The following WHRN variants were observed in gnomAD, a reference collection of about 807,000 sequenced individuals.
WHRN encodes the protein CASK-interacting protein CIP98.
Under a neutral mutation model 68.3 loss-of-function variants are expected in WHRN, and 41 were observed. The ratio of observed to expected loss-of-function variants is 0.60; its 90% CI spans 0.47 to 0.78. The LOEUF is 0.78. Ranked by LOEUF, WHRN falls within the 30% of genes least tolerant of loss-of-function variation. The pLI is 0.00. For missense variants in WHRN, 1,243 were observed against 1,244.7 expected (o/e 1.00, Z 0.02); for synonymous variants, 560 against 561.3 (o/e 1.00, Z 0.03).
At chr9:114,472,322 T>G (rs913859911) in intron 2 of WHRN, among the ~76,000 whole-genome samples, 5 of 152,222 alleles carry the variant, frequency 3.3e-5, no homozygotes, top group African/African-American at 1.2e-4. Flanking sequence ...CCATGCCTGC[T>G]GCCTCACTCC....
intron 1 of WHRN, among the ~76,000 whole-genome samples, chr9:114,489,022 C>G (rs945781963): frequency 2.0e-5 from 3 of 152,210 alleles, no homozygotes; most frequent in Admixed American, 2.0e-4. Context: ...AGCCTCATCT[C>G]CTGCCCTGCC....
chr9:114,446,072 A>G (rs1444727802), intron 3 of WHRN, among the ~76,000 whole-genome samples: 1 of 152,198 alleles, frequency 6.6e-6, no homozygotes, highest in Non-Finnish European at 1.5e-5. Context: ...CAGAGAAGAG[A>G]ATGACAGAAA....
intron 3 of WHRN, among the ~76,000 whole-genome samples, chr9:114,430,836 T>A (rs1254827174): frequency 1.3e-5 from 2 of 152,198 alleles, no homozygotes; most frequent in Non-Finnish European, 2.9e-5. Flanking sequence ...CTCTCCTGTC[T>A]CTTCTTCCTC....
chr9:114,478,535 T>C lies in WHRN; in HGVS notation c.837+18A>G. ...TACGGTGTCTGAGAGGCTGGCCTCC[T>C]TTCCCCACCCCACTCACCTTTTTCT... is the stretch of plus-strand genomic sequence containing the variant. On this transcript the variant is annotated intron_variant, in intron 2 of 11. Transcript: ENST00000362057. 1 of 1,613,868 alleles carries C rather than the reference T, an allele frequency of 6.2e-7. No individual in the cohort carries two copies.
chr9:114,461,064 A>G (rs1840207228), intron 3 of WHRN, among the ~76,000 whole-genome samples: 1 of 152,212 alleles, frequency 6.6e-6, no homozygotes, highest in South Asian at 2.1e-4. Context: ...TTGAAGATAG[A>G]AAGGACTTTA....
At chr9:114,474,833 C>G (rs747301378) in intron 2 of WHRN, among the ~76,000 whole-genome samples, 5 of 152,120 alleles carry the variant, frequency 3.3e-5, no homozygotes, top group African/African-American at 9.7e-5. Context: ...CTTAATAAGA[C>G]GCAGAATTGA....
intron 1 of WHRN, among the ~76,000 whole-genome samples, chr9:114,498,578 A>G (rs565070887): frequency 6.6e-6 from 1 of 152,298 alleles, no homozygotes; most frequent in East Asian, 1.9e-4. Context: ...GCTGAAATAC[A>G]CCACTCTCCC....
chr9:114,433,223 C>T (rs949231444), intron 3 of WHRN, among the ~76,000 whole-genome samples: 10 of 152,160 alleles, frequency 6.6e-5, no homozygotes, highest in African/African-American at 1.2e-4. Flanking sequence ...TATTCGTGCC[C>T]GATGAAGGGA....
chr9:114,438,765 T>C (rs1589138540), intron 3 of WHRN, among the ~76,000 whole-genome samples: 2 of 152,190 alleles, frequency 1.3e-5, no homozygotes, highest in East Asian at 3.9e-4. Flanking sequence ...GAATCCCACT[T>C]TCAAAAATTT....
chr9:114,438,332 T>C (rs1213458909), intron 3 of WHRN, among the ~76,000 whole-genome samples: 6 of 152,024 alleles, frequency 3.9e-5, no homozygotes, highest in East Asian at 1.9e-4. Flanking sequence ...ATCTATCAGA[T>C]TGAGAAAAAA....
Position 114,504,189 on chromosome 9 carries a change from C to G in WHRN, c.613G>C (p.Val205Leu). ...SLARVTHAEA[V>L]KALKGSKKLV... ...TCTCCAAACCACAGCCTTACCTTGA[C>G]GGCCTCCGCGTGGGTCACCCGGGCC... Residue 205 changes from valine (V) to leucine (L), a missense_variant, in exon 1 of 12, where the codon GTC becomes CTC. Physicochemically the swap from Val to Leu is conservative, Grantham distance 32. Transcript: ENST00000362057. The G allele has an allele frequency of 6.2e-7, 1 of 1,614,152 alleles. No individual in the cohort carries two copies. Among genetic ancestry groups the G allele is most frequent in the African/African-American group, 1.3e-5 (1 of 75,066 alleles).
At chr9:114,462,927 G>C (rs1354746565) in intron 3 of WHRN, among the ~76,000 whole-genome samples, 1 of 152,232 alleles carries the variant, frequency 6.6e-6, no homozygotes, top group East Asian at 1.9e-4. Context: ...TAATCAGAGA[G>C]AGAGGGCGAG....
In WHRN at chr9:114,496,863, C is replaced by T. The variant is rs541672426; in HGVS notation, c.618+7321G>A. On this transcript the variant is annotated intron_variant, in intron 1 of 11. Transcript: ENST00000362057. ...CCACCCTTCCTCAGATTTTCCAGTACGTCAGTTGACCTTACACAAGTGGAA... is the reference window on the plus strand; with the variant it reads ...CCACCCTTCCTCAGATTTTCCAGTATGTCAGTTGACCTTACACAAGTGGAA... 9.2e-5 allele frequency among the ~76,000 whole-genome samples: 14 copies of T among 152,286 alleles called. No homozygotes were observed. In the South Asian group the frequency reaches 1.9e-3, roughly 20 times the overall value.
At chr9:114,489,245 G>A (rs75168836) in intron 1 of WHRN, among the ~76,000 whole-genome samples, 3,240 of 152,280 alleles carry the variant, frequency 0.021, 33 homozygotes, top group Admixed American at 0.033. Context: ...ATAGGAGATG[G>A]TAAGAGATTC....
At chr9:114,499,853 A>G (rs1271723829) in intron 1 of WHRN, among the ~76,000 whole-genome samples, 1 of 152,226 alleles carries the variant, frequency 6.6e-6, no homozygotes, top group Non-Finnish European at 1.5e-5. Flanking sequence ...CAAGTAATAA[A>G]CAAAGCTGGG....
At chr9:114,450,824 T>C (rs12346970) in intron 3 of WHRN, among the ~76,000 whole-genome samples, 2 of 122,110 alleles carry the variant, frequency 1.6e-5, no homozygotes, top group African/African-American at 9.1e-5. Context: ...TTATTATTAG[T>C]TTCCCCCCCC....
chr9:114,504,599 C>T lies in WHRN; in HGVS notation c.203G>A (p.Arg68His), dbSNP rs1339903319. 2 of 1,611,180 alleles carry T rather than the reference C, an allele frequency of 1.2e-6. No homozygotes were observed. Among genetic ancestry groups the T allele is most frequent in the Non-Finnish European group, 1.7e-6 (2 of 1,179,538 alleles). ...GCGCACCAGGTCGAAGACGTTGCGG[C>T]GCGCGTGGTAAGCGTTCAGGCAGTG... ...FTHCLNAYHA[R>H]RNVFDLVRTL... Residue 68 changes from arginine (R) to histidine (H), a missense_variant, in exon 1 of 12, where the codon CGC becomes CAC. Arg to His is a conservative substitution (Grantham distance 29, BLOSUM62 0). Coordinates refer to ENST00000362057, the MANE Select transcript of WHRN (RefSeq NM_015404.4).
At chr9:114,419,459 T>C (rs977896035) in intron 7 of WHRN, among the ~76,000 whole-genome samples, 2 of 152,158 alleles carry the variant, frequency 1.3e-5, no homozygotes, top group East Asian at 3.8e-4. Context: ...CCTCAAGCAG[T>C]CAGCAGTCAC....
intron 3 of WHRN, among the ~76,000 whole-genome samples, chr9:114,463,619 C>T (rs1840425901): frequency 6.6e-6 from 1 of 152,164 alleles, no homozygotes; most frequent in Non-Finnish European, 1.5e-5. Context: ...ATGATGTCAA[C>T]ACTAGAGGAA....
Sources: allele counts gnomAD v4.1 joint callset (sites outside exome capture counted in the v4.1 genomes callset), GRCh38; gene constraint gnomAD v4.1.1; transcripts MANE v1.5; gene names NCBI Gene and HGNC (gene_info 2026-07-23, HGNC 2026-07-21).